Variants in ITFG1 observed in about 807,000 individuals in gnomAD.
ITFG1 encodes integrin alpha FG-GAP repeat containing 1.
Under a neutral mutation model 81.8 loss-of-function variants are expected in ITFG1, and 34 were observed. The observed-to-expected ratio is 0.42, with a 90% CI of 0.32 to 0.55. The LOEUF (loss-of-function observed/expected upper bound fraction) is 0.55, where lower values mean the gene tolerates loss of function less well. Ranked by LOEUF, ITFG1 falls within the 20% of genes least tolerant of loss-of-function variation. The pLI is 0.17. For synonymous variants in ITFG1, 285 were observed against 270.6 expected, an observed-to-expected ratio of 1.05 and a Z score of -0.52; for missense variants, 672 against 755.4, an observed-to-expected ratio of 0.89 and a Z score of 1.29.
intron 6 of ITFG1, among the ~76,000 whole-genome samples, chr16:47,424,938 C>A (rs751550022): frequency 1.6e-4 from 25 of 152,154 alleles, no homozygotes; most frequent in African/African-American, 5.8e-4. Flanking sequence ...GGAGTTGGAA[C>A]GCCACGCTGA....
chr16:47,422,786 G>A (rs896766702), intron 6 of ITFG1, among the ~76,000 whole-genome samples: 6 of 152,052 alleles, frequency 3.9e-5, no homozygotes, highest in Non-Finnish European at 7.4e-5. Context: ...TCCCATAGAT[G>A]TGTTTATAGT....
chr16:47,176,706 T>C (rs1241688595), intron 14 of ITFG1, among the ~76,000 whole-genome samples: 2 of 152,186 alleles, frequency 1.3e-5, no homozygotes, highest in Admixed American at 1.3e-4. Context: ...GCCCATTAGG[T>C]GACTGATAGG....
intron 12 of ITFG1, among the ~76,000 whole-genome samples, chr16:47,252,632 G>A (rs996395914): frequency 3.3e-5 from 5 of 152,204 alleles, no homozygotes; most frequent in African/African-American, 1.2e-4. Context: ...CCGTCTTCAT[G>A]TAAGTGCTGT....
rs964673496 is a variant in ITFG1 at position 47,292,319 on chromosome 16, G to C, written c.1070+18921C>G. 2.6e-5 allele frequency among the ~76,000 whole-genome samples: 4 copies of C among 152,026 alleles called. No individual in the cohort carries two copies. In the South Asian group the frequency reaches 8.3e-4, roughly 32 times the overall value. On this transcript the variant is annotated intron_variant, in intron 10 of 17. Transcript: ENST00000320640. The stretch of plus-strand genomic sequence containing the variant: ...GAGCCACCGTGCCCAGCCTTTCCTT[G>C]CTTTTTAATGTGTTTTTCTGTGTCC...
intron 10 of ITFG1, among the ~76,000 whole-genome samples, chr16:47,306,194 A>G (rs1318665759): frequency 6.6e-6 from 1 of 152,174 alleles, no homozygotes; most frequent in African/African-American, 2.4e-5. Flanking sequence ...GAACTATAAA[A>G]GGAAGAAAAT....
At chr16:47,374,531 T>G (rs1007536343) in intron 7 of ITFG1, among the ~76,000 whole-genome samples, 2 of 152,112 alleles carry the variant, frequency 1.3e-5, no homozygotes, top group African/African-American at 4.8e-5. Flanking sequence ...CAGATACAAG[T>G]TAATCAAATA....
rs148373225 is a variant in ITFG1 at position 47,428,747 on chromosome 16, T to G, written c.655+57A>C. On this transcript the variant is annotated intron_variant, in intron 6 of 17. Coordinates refer to ENST00000320640, the MANE Select transcript of ITFG1 (RefSeq NM_030790.5). Reference sequence around the variant, plus strand: ...AATTAAATACAAAGTGTACAGTAAATAAAATCCCATACTTCTTTGGTAACT... The same window carrying G: ...AATTAAATACAAAGTGTACAGTAAAGAAAATCCCATACTTCTTTGGTAACT... 1.4e-3 allele frequency: 1,436 copies of G among 1,033,152 alleles called. 12 individuals carry two copies. The African/African-American group carries it at 0.02, about 15-fold the overall frequency. The allele number at this position is 1,033,152 out of a possible 1,614,324, so 64.0% of individuals were successfully genotyped here. A position where few individuals can be genotyped will look rare whatever the true frequency, so the allele number is the denominator to read the frequency against.
At chr16:47,411,259 T>C (rs532477351) in intron 6 of ITFG1, among the ~76,000 whole-genome samples, 19 of 152,246 alleles carry the variant, frequency 1.2e-4, no homozygotes, top group East Asian at 7.7e-4. Context: ...TCCACAGGTA[T>C]GGGCCAGGAA....
At chr16:47,355,960 A>G (rs574864245) in intron 8 of ITFG1, among the ~76,000 whole-genome samples, 1 of 152,334 alleles carries the variant, frequency 6.6e-6, no homozygotes, top group Admixed American at 6.5e-5. Context: ...AGCAAACAGC[A>G]TATATACTAG....
intron 13 of ITFG1, among the ~76,000 whole-genome samples, chr16:47,236,632 T>C (rs1017658224): frequency 6.6e-6 from 1 of 151,994 alleles, no homozygotes; most frequent in African/African-American, 2.4e-5. Context: ...AGCCACAGAA[T>C]GGAGATATGG....
At chr16:47,340,149 G>A (rs1332634663) in intron 8 of ITFG1, among the ~76,000 whole-genome samples, 2 of 151,874 alleles carry the variant, frequency 1.3e-5, no homozygotes, top group African/African-American at 4.8e-5. Context: ...GATATTCCCA[G>A]ATAAAGGCGG....
intron 10 of ITFG1, chr16:47,263,318 G>T (rs1966233384): frequency 2.1e-6 from 1 of 466,818 alleles, no homozygotes; most frequent in Admixed American, 2.2e-5. Context: ...CTATAACCTG[G>T]AAATGGAGCA....
intron 8 of ITFG1, among the ~76,000 whole-genome samples, chr16:47,330,767 A>G (rs541392251): frequency 2.7e-4 from 41 of 152,248 alleles, no homozygotes; most frequent in Non-Finnish European, 5.6e-4. Context: ...CAAAACCACA[A>G]TGAGATACCA....
chr16:47,237,731 G>T (rs1965892480), intron 13 of ITFG1, among the ~76,000 whole-genome samples: 1 of 152,106 alleles, frequency 6.6e-6, no homozygotes, highest in Non-Finnish European at 1.5e-5. Context: ...AATTGGAGGG[G>T]TGGTCATTCT....
At chr16:47,171,404 A>T (rs1964960012) in intron 14 of ITFG1, among the ~76,000 whole-genome samples, 1 of 151,968 alleles carries the variant, frequency 6.6e-6, no homozygotes, top group Non-Finnish European at 1.5e-5. Flanking sequence ...TTCATTTCTG[A>T]TTTTAGTTAT....
At chr16:47,397,986 G>A (rs1968613716) in intron 6 of ITFG1, among the ~76,000 whole-genome samples, 1 of 152,142 alleles carries the variant, frequency 6.6e-6, no homozygotes, top group African/African-American at 2.4e-5. Flanking sequence ...TATCTTTTCA[G>A]TTTACAAGCA....
chr16:47,428,220 C>T (rs1054313043), intron 6 of ITFG1, among the ~76,000 whole-genome samples: 1 of 152,116 alleles, frequency 6.6e-6, no homozygotes, highest in Admixed American at 6.5e-5. Flanking sequence ...ATCTGAGATA[C>T]AGATGGAAAT....
At chr16:47,396,440 G>C (rs560256874) in intron 6 of ITFG1, among the ~76,000 whole-genome samples, 1 of 152,072 alleles carries the variant, frequency 6.6e-6, no homozygotes, top group African/African-American at 2.4e-5. Flanking sequence ...AAAAGTTCAG[G>C]AACTATGAGA....
rs185350191 is a variant in ITFG1 at position 47,233,108 on chromosome 16, C to T, written c.1374+4857G>A. ...AAATAAAGCAAAACCAATAAAAATGCAAGGAGAGCTTCCAGTTTCTGGTCT... is the reference window on the plus strand; with the variant it reads ...AAATAAAGCAAAACCAATAAAAATGTAAGGAGAGCTTCCAGTTTCTGGTCT... On this transcript the variant is annotated intron_variant, in intron 13 of 17. Transcript: ENST00000320640. Among the ~76,000 whole-genome samples, 8 of 152,244 alleles carry T rather than the reference C, an allele frequency of 5.3e-5. No homozygotes were observed. The East Asian group carries it at 1.3e-3, about 26-fold the overall frequency.
Sources: allele counts gnomAD v4.1 joint callset (sites outside exome capture counted in the v4.1 genomes callset), GRCh38; gene constraint gnomAD v4.1.1; transcripts MANE v1.5; gene names NCBI Gene and HGNC (gene_info 2026-07-23, HGNC 2026-07-21).